The following FAM135A variants were observed in gnomAD, a reference collection of about 807,000 sequenced individuals.
The protein encoded by FAM135A is family with sequence similarity 135 member A.
Under a neutral mutation model 146.8 loss-of-function variants are expected in FAM135A, and 79 were observed. That is an observed-to-expected ratio of 0.54 (90% CI 0.45 to 0.65). FAM135A has a LOEUF of 0.65. Ranked by LOEUF, FAM135A falls within the 30% of genes least tolerant of loss-of-function variation. FAM135A has a pLI of 0.00. For synonymous variants in FAM135A, 562 were observed against 603.6 expected (o/e 0.93, Z 1.01); for missense variants, 1,623 against 1,758.2 (o/e 0.92, Z 1.38).
At chr6:70,513,298 G>A (rs1791450922) in intron 12 of FAM135A, 1 of 147,566 alleles carries the variant, frequency 6.8e-6, no homozygotes, top group Non-Finnish European at 1.5e-5. Flanking sequence ...TAAATCAAGT[G>A]TTAACAGCTC....
chr6:70,526,384 T>C lies in FAM135A; in HGVS notation c.3300T>C (p.Tyr1100=), dbSNP rs143110528. The change falls in exon 15 of 22, where the codon TAT becomes TAC. Residue 1100 remains tyrosine (Y), a synonymous_variant. Coordinates refer to ENST00000418814, the MANE Select transcript of FAM135A (RefSeq NM_001162529.3). ...QDQQMVQNGY[Y]EETDYSALDG... ...AACAAATGGTTCAAAATGGGTACTA[T>C]GAAGAAACAGATTATTCAGCTTTGG... is the stretch of plus-strand genomic sequence containing the variant. 8 of 1,613,594 alleles carry C rather than the reference T, an allele frequency of 5.0e-6. No homozygotes were observed. In the African/African-American group the frequency reaches 8.0e-5, roughly 16 times the overall value.
At chr6:70,478,127 T>C (rs6926591) in intron 8 of FAM135A, among the ~76,000 whole-genome samples, 7,028 of 152,248 alleles carry the variant, frequency 0.046, 353 homozygotes, top group African/African-American at 0.11. Context: ...TTAACCAATT[T>C]TATGAATTTT....
At chr6:70,420,547 G>A (rs1446044688) in intron 2 of FAM135A, among the ~76,000 whole-genome samples, 2 of 152,076 alleles carry the variant, frequency 1.3e-5, no homozygotes, top group Non-Finnish European at 2.9e-5. Flanking sequence ...GTAGTCTTAG[G>A]AACTTTGTAT....
At chr6:70,501,351 G>A (rs922021249) in intron 11 of FAM135A, among the ~76,000 whole-genome samples, 2 of 152,152 alleles carry the variant, frequency 1.3e-5, no homozygotes, top group Admixed American at 6.5e-5. Context: ...CCCCTACCAA[G>A]CTTGATCTTC....
At chr6:70,522,439 C>G (rs1793805515) in intron 12 of FAM135A, 74 bp from the exon 13 acceptor site, 3 of 1,324,616 alleles carry the variant, frequency 2.3e-6, no homozygotes, top group Non-Finnish European at 3.2e-6. Context: ...GGCAGTTTCT[C>G]TCCTTACCAT....
chr6:70,487,637 G>A (rs1582482093), intron 10 of FAM135A, among the ~76,000 whole-genome samples: 1 of 152,142 alleles, frequency 6.6e-6, no homozygotes, highest in Non-Finnish European at 1.5e-5. Context: ...AAAATTTATT[G>A]TCATTCTTTC....
At chr6:70,505,415 G>C (rs770107352) in intron 12 of FAM135A, among the ~76,000 whole-genome samples, 110 of 152,030 alleles carry the variant, frequency 7.2e-4, no homozygotes, top group African/African-American at 2.4e-3. Flanking sequence ...TTATCTTTGC[G>C]TGACCTTGAT....
At chr6:70,416,733 C>CT (rs1373574513) in intron 2 of FAM135A, among the ~76,000 whole-genome samples, 1 of 152,026 alleles carries the variant, frequency 6.6e-6, no homozygotes, top group Non-Finnish European at 1.5e-5. Flanking sequence ...CAAGACCAGC[C>CT]TGGGCAACAG....
intron 10 of FAM135A, among the ~76,000 whole-genome samples, chr6:70,485,707 C>G (rs1784493732): frequency 1.3e-5 from 2 of 152,088 alleles, no homozygotes; most frequent in African/African-American, 4.8e-5. Context: ...GCCTTGAGTT[C>G]CTTTCGGCTT....
At chr6:70,559,092 G>T (rs575932626) in intron 21 of FAM135A, among the ~76,000 whole-genome samples, 1 of 152,270 alleles carries the variant, frequency 6.6e-6, no homozygotes, top group East Asian at 1.9e-4. Flanking sequence ...AGTTATAAGT[G>T]ACTTAACATT....
At chr6:70,430,065 G>A (rs1312513074) in intron 4 of FAM135A, among the ~76,000 whole-genome samples, 6 of 152,210 alleles carry the variant, frequency 3.9e-5, no homozygotes, top group African/African-American at 9.6e-5. Context: ...GGCCGGGTGC[G>A]GTGGCTCACG....
intron 10 of FAM135A, among the ~76,000 whole-genome samples, chr6:70,486,776 A>G (rs1380821302): frequency 1.3e-5 from 2 of 152,092 alleles, no homozygotes; most frequent in Non-Finnish European, 1.5e-5. Context: ...TAAAAATACA[A>G]AATTAGCCGG....
chr6:70,451,027 G>T (rs1193031302), intron 4 of FAM135A, among the ~76,000 whole-genome samples: 1 of 152,066 alleles, frequency 6.6e-6, no homozygotes, highest in Non-Finnish European at 1.5e-5. Flanking sequence ...ACAGCCATGA[G>T]CCACCATGTC....
intron 20 of FAM135A, among the ~76,000 whole-genome samples, chr6:70,556,124 CT>C (rs1215211320): frequency 1.3e-5 from 2 of 152,042 alleles, no homozygotes; most frequent in African/African-American, 4.8e-5. Flanking sequence ...TGGCCCACAC[CT>C]GTAATTCCAG....
rs777383511 is a variant in FAM135A at position 70,559,882 on chromosome 6, G to T, written c.4509G>T (p.Glu1503Asp). The T allele has an allele frequency of 6.2e-7, 1 of 1,613,868 alleles. No individual in the cohort carries two copies. Among genetic ancestry groups the T allele is most frequent in the Non-Finnish European group, 8.5e-7 (1 of 1,179,950 alleles). ...IAVLDSEIFL[E>D]KFFLVAALKY... Reference sequence around the variant, plus strand: ...TTCTTGATTCGGAAATATTTTTAGAGAAATTCTTTCTGGTTGCTGCCCTCA... The same window carrying T: ...TTCTTGATTCGGAAATATTTTTAGATAAATTCTTTCTGGTTGCTGCCCTCA... Residue 1503 changes from glutamate to aspartate, a missense_variant, in exon 22 of 22, where the codon GAG becomes GAT. Around this residue, in one of 7 missense-constraint regions of FAM135A, gnomAD observed 138 missense variants for 174.1 expected, o/e 0.79. Coordinates refer to ENST00000418814, the MANE Select transcript of FAM135A (RefSeq NM_001162529.3).
chr6:70,447,249 G>A (rs941812277), intron 4 of FAM135A, among the ~76,000 whole-genome samples: 1 of 152,042 alleles, frequency 6.6e-6, no homozygotes, highest in Non-Finnish European at 1.5e-5. Flanking sequence ...TTGTTTATTT[G>A]TGCTTCCAAA....
At chr6:70,535,338 T>C (rs1256548512) in intron 18 of FAM135A, among the ~76,000 whole-genome samples, 2 of 152,156 alleles carry the variant, frequency 1.3e-5, no homozygotes, top group Non-Finnish European at 1.5e-5. Context: ...ACAGGCTATT[T>C]TGATTTAAAC....
At chr6:70,452,288 T>C (rs72917944) in intron 4 of FAM135A, among the ~76,000 whole-genome samples, 1,866 of 152,168 alleles carry the variant, frequency 0.012, 16 homozygotes, top group Non-Finnish European at 0.021. Flanking sequence ...TCTTTATATA[T>C]ACTGGGTTTC....
chr6:70,466,317 T>C (rs1351716379), intron 5 of FAM135A, among the ~76,000 whole-genome samples: 1 of 152,252 alleles, frequency 6.6e-6, no homozygotes, highest in Non-Finnish European at 1.5e-5. Context: ...GTTTGTGTTA[T>C]TCTTTTGCTT....
Sources: gnomAD v4.1 joint callset for allele counts (sites outside exome capture counted in the v4.1 genomes callset) on GRCh38, gnomAD v4.1.1 for gene constraint, gnomAD v4.1.1 regional missense constraint, MANE v1.5 for transcripts, NCBI Gene and HGNC (gene_info 2026-07-23, HGNC 2026-07-21) for gene names.